The following TUBGCP3 variants were observed in gnomAD, a reference collection of about 807,000 sequenced individuals.
The protein encoded by TUBGCP3 is tubulin gamma complex component 3.
In TUBGCP3, 50 loss-of-function variants were observed where a neutral mutation model predicts 123.1. That is an observed-to-expected ratio of 0.41 (90% CI 0.32 to 0.51). The LOEUF is 0.51. Ranked by LOEUF, TUBGCP3 falls within the 20% of genes least tolerant of loss-of-function variation. The pLI is 0.36. For missense variants in TUBGCP3, 882 were observed against 1,127.0 expected (o/e 0.78, Z 3.11); for synonymous variants, 405 against 413.9 (o/e 0.98, Z 0.26).
the TUBGCP3 span, among the ~76,000 whole-genome samples, chr13:112,595,614 A>G: frequency 6.6e-6 from 1 of 152,168 alleles, no homozygotes; most frequent in Non-Finnish European, 1.5e-5. Flanking sequence ...AGTCTACTTT[A>G]TCTGATATTA....
At chr13:112,598,570 A>G in the TUBGCP3 span, among the ~76,000 whole-genome samples, 1 of 152,190 alleles carries the variant, frequency 6.6e-6, no homozygotes, top group South Asian at 2.1e-4. Flanking sequence ...TTAAACTTTG[A>G]TATGTCAAGG....
intron 17 of TUBGCP3, among the ~76,000 whole-genome samples, chr13:112,507,503 A>C (rs1363557798): frequency 6.6e-6 from 1 of 152,232 alleles, no homozygotes; most frequent in Non-Finnish European, 1.5e-5. Context: ...GGCTACTATC[A>C]GCACTTCCTC....
chr13:112,576,896 G>C, intron 1 of TUBGCP3, among the ~76,000 whole-genome samples: 1 of 135,830 alleles, frequency 7.4e-6, no homozygotes. Context: ...TTAGGAAATG[G>C]TAAAACAAAC....
At chr13:112,502,026 T>C (rs1880940104) in intron 19 of TUBGCP3, among the ~76,000 whole-genome samples, 1 of 152,182 alleles carries the variant, frequency 6.6e-6, no homozygotes, top group Admixed American at 6.5e-5. Context: ...CTGATATCAG[T>C]ATGGGTATAG....
At chr13:112,595,075 A>G in the TUBGCP3 span, among the ~76,000 whole-genome samples, 2 of 152,336 alleles carry the variant, frequency 1.3e-5, no homozygotes, top group Admixed American at 6.5e-5. Context: ...TTGATTGTTC[A>G]TAAGTTGTTC....
At chr13:112,500,857 C>T (rs540029751) in intron 19 of TUBGCP3, among the ~76,000 whole-genome samples, 2 of 152,338 alleles carry the variant, frequency 1.3e-5, no homozygotes, top group South Asian at 4.1e-4. Flanking sequence ...GAAAGCATGG[C>T]GATGCTTCGG....
At chr13:112,502,644 C>G (rs1263551768) in intron 19 of TUBGCP3, among the ~76,000 whole-genome samples, 10 of 147,540 alleles carry the variant, frequency 6.8e-5, no homozygotes, top group African/African-American at 2.5e-4. Flanking sequence ...CTCCCGGGTT[C>G]ACGCCATTCT....
chr13:112,511,305 G>A lies in TUBGCP3; in HGVS notation c.2086+5135C>T, dbSNP rs1214712761. 2.0e-5 allele frequency among the ~76,000 whole-genome samples: 3 copies of A among 152,184 alleles called. No homozygotes were observed. Reference sequence around the variant, plus strand: ...CTGGTAAGATAAAATCTGCGGTGCTGCTTTACATGGAAAAGTGGCATTTTG... The same window carrying A: ...CTGGTAAGATAAAATCTGCGGTGCTACTTTACATGGAAAAGTGGCATTTTG... On this transcript the variant is annotated intron_variant, in intron 17 of 21. Coordinates refer to ENST00000261965, the MANE Select transcript of TUBGCP3 (RefSeq NM_006322.6). This position sits in a 1 kb window ranked among gnomAD's most constrained non-coding sequence, Gnocchi z 4.1.
the TUBGCP3 span, among the ~76,000 whole-genome samples, chr13:112,594,310 G>T: frequency 6.6e-6 from 1 of 152,280 alleles, no homozygotes; most frequent in Admixed American, 6.5e-5. Flanking sequence ...GGAATGCAAG[G>T]TTGGGCTAAC....
chr13:112,487,665 C>T (rs9604330), intron 21 of TUBGCP3, among the ~76,000 whole-genome samples: 4,124 of 152,200 alleles, frequency 0.027, 197 homozygotes, highest in African/African-American at 0.093. Flanking sequence ...AAGAAGGCAT[C>T]GTGTCAAAAC....
At position 112,503,924 on chromosome 13, in the gene TUBGCP3, C is replaced by T. The variant is rs538597057; in HGVS notation, c.2307+108G>A. 222 of 1,323,120 alleles carry T rather than the reference C, an allele frequency of 1.7e-4. 4 individuals carry two copies. In the South Asian group the frequency reaches 3.1e-3, roughly 19 times the overall value. The allele number at this position is 1,323,120 out of a possible 1,614,324, so 82.0% of individuals were successfully genotyped here. A position where few individuals can be genotyped will look rare whatever the true frequency, so the allele number is the denominator to read the frequency against. ...TTTAATAAAATTATCTGAATTATTA[C>T]CAATGTGGCTGCATCAGGGCATTTC... On this transcript the variant is annotated intron_variant, in intron 19 of 21. Coordinates refer to ENST00000261965, the MANE Select transcript of TUBGCP3 (RefSeq NM_006322.6).
chr13:112,578,901 A>T (rs1163865780), intron 1 of TUBGCP3, among the ~76,000 whole-genome samples: 1 of 152,234 alleles, frequency 6.6e-6, no homozygotes, highest in Non-Finnish European at 1.5e-5. Flanking sequence ...AGAGTAAAAC[A>T]TAAGCCCCTC....
intron 11 of TUBGCP3, among the ~76,000 whole-genome samples, chr13:112,542,960 C>A (rs1291546714): frequency 6.6e-6 from 1 of 152,116 alleles, no homozygotes; most frequent in African/African-American, 2.4e-5. Context: ...CCAGCCTGGG[C>A]AACAAAGTGA....
rs75710460 is a variant in TUBGCP3 at position 112,490,749 on chromosome 13, G to A, written c.2449-1052C>T. 6.9e-3 allele frequency among the ~76,000 whole-genome samples: 1,055 copies of A among 152,158 alleles called. 2 individuals carry two copies. The highest frequency in any genetic ancestry group is 8.6e-3 in the Non-Finnish European group (587 of 68,018). On this transcript the variant is annotated intron_variant, in intron 20 of 21. Coordinates refer to ENST00000261965, the MANE Select transcript of TUBGCP3 (RefSeq NM_006322.6). ...TTTTCTCAGATAGGGTATCAGCTTCGTGATTCTTCTTACACAATTTAGAAA... is the reference window on the plus strand; with the variant it reads ...TTTTCTCAGATAGGGTATCAGCTTCATGATTCTTCTTACACAATTTAGAAA...
intron 1 of TUBGCP3, among the ~76,000 whole-genome samples, 168 bp from the exon 2 acceptor site, chr13:112,569,427 GAATGA>G (rs1280920093): frequency 2.0e-5 from 3 of 152,120 alleles, no homozygotes; most frequent in Non-Finnish European, 2.9e-5. Flanking sequence ...CAGAATGAAT[GAATGA>G]AATAAGAGTT....
In TUBGCP3 at chr13:112,519,733, C is replaced by T. The variant is rs909103987; in HGVS notation, c.1881+153G>A. The stretch of plus-strand genomic sequence containing the variant: ...GATGTGCTGACCAGGCAGTAACAAG[C>T]CACAGAGTGGAGTTCCTACTCAGGC... On this transcript the variant is annotated intron_variant, in intron 15 of 21. Coordinates refer to ENST00000261965, the MANE Select transcript of TUBGCP3 (RefSeq NM_006322.6). The surrounding 1 kb of genome is among the most constrained non-coding windows in gnomAD (Gnocchi z 6.2). 1.3e-5 allele frequency among the ~76,000 whole-genome samples: 2 copies of T among 152,214 alleles called. No homozygotes were observed. Among genetic ancestry groups the T allele is most frequent in the Non-Finnish European group, 2.9e-5 (2 of 68,038 alleles).
rs556197814 is a variant in TUBGCP3 at position 112,547,562 on chromosome 13, T to A, written c.1168+58A>T. On this transcript the variant is annotated intron_variant, in intron 10 of 21. Transcript: ENST00000261965. ...CATGGGAAAGTCGCGCGTGGGAAAGTCGCGCGTGGGAAAGTCGCGCGTGGG... is the reference window on the plus strand; with the variant it reads ...CATGGGAAAGTCGCGCGTGGGAAAGACGCGCGTGGGAAAGTCGCGCGTGGG... 1.6e-4 allele frequency: 216 copies of A among 1,333,734 alleles called. 1 individual carries two copies. In the African/African-American group the frequency reaches 3.0e-3, roughly 19 times the overall value. 82.6% of individuals were successfully genotyped at this position (1,333,734 alleles called of 1,614,324 possible). A position where few individuals can be genotyped will look rare whatever the true frequency, so the allele number is the denominator to read the frequency against.
intron 1 of TUBGCP3, among the ~76,000 whole-genome samples, chr13:112,580,159 C>T (rs190320820): frequency 6.6e-6 from 1 of 152,062 alleles, no homozygotes; most frequent in African/African-American, 2.4e-5. Context: ...TGGCGGCCAG[C>T]ACAAAGGCAA....
intron 21 of TUBGCP3, among the ~76,000 whole-genome samples, chr13:112,487,083 CTGTGTG>C: frequency 1.3e-5 from 1 of 77,268 alleles, no homozygotes; most frequent in African/African-American, 5.4e-5. Context: ...GTGTGTGTGT[CTGTGTG>C]TGTGTGTGTG....
Sources: gnomAD v4.1 joint callset for allele counts (sites outside exome capture counted in the v4.1 genomes callset) on GRCh38, gnomAD v4.1.1 for gene constraint, Gnocchi (gnomAD v3.1) non-coding constraint, MANE v1.5 for transcripts, NCBI Gene and HGNC (gene_info 2026-07-23, HGNC 2026-07-21) for gene names.